Variants in IL1RAPL1 observed in about 807,000 individuals in gnomAD.
IL1RAPL1 encodes the protein interleukin-1 receptor accessory protein-like 1.
In IL1RAPL1, 3 loss-of-function variants were observed where a neutral mutation model predicts 48.4. The observed-to-expected ratio is 0.06, with a 90% CI of 0.03 to 0.16. IL1RAPL1 has a LOEUF of 0.16. IL1RAPL1 is among the 10% of genes least tolerant of loss of function. IL1RAPL1 has a pLI of 1.00. For synonymous variants in IL1RAPL1, 185 were observed against 187.7 expected, an observed-to-expected ratio of 0.99 and a Z score of 0.12; for missense variants, 349 against 530.6, an observed-to-expected ratio of 0.66 and a Z score of 3.36.
chrX:28,878,147 G>A (rs1481300789), intron 2 of IL1RAPL1, among the ~76,000 whole-genome samples: 1 of 111,905 alleles, frequency 8.9e-6, no homozygotes, highest in Non-Finnish European at 1.9e-5. Flanking sequence ...TATTTTCAAA[G>A]TCAGATAAAA....
At chrX:28,999,372 T>C (rs997429500) in intron 2 of IL1RAPL1, among the ~76,000 whole-genome samples, 1 of 111,716 alleles carries the variant, frequency 9.0e-6, no homozygotes, top group Non-Finnish European at 1.9e-5. Context: ...GAATATCGTA[T>C]GGATTTGTCC....
chrX:28,604,192 TA>T (rs958767278), intron 1 of IL1RAPL1, among the ~76,000 whole-genome samples: 11 of 111,883 alleles, frequency 9.8e-5, no homozygotes, highest in Non-Finnish European at 1.9e-4. Context: ...GAAGAAGCTT[TA>T]AAAAAACACT....
At chrX:28,832,378 C>G in intron 2 of IL1RAPL1, among the ~76,000 whole-genome samples, 1 of 111,466 alleles carries the variant, frequency 9.0e-6, no homozygotes, top group Non-Finnish European at 1.9e-5. Context: ...AATTCACTTG[C>G]TTTTTGTTTT....
At chrX:29,674,560 A>G (rs1261523822) in intron 6 of IL1RAPL1, among the ~76,000 whole-genome samples, 1 of 112,376 alleles carries the variant, frequency 8.9e-6, no homozygotes, top group Non-Finnish European at 1.9e-5. Flanking sequence ...AGTCAGTTAA[A>G]GCACTTTTTT....
intron 2 of IL1RAPL1, among the ~76,000 whole-genome samples, chrX:29,026,691 C>T (rs759748204): frequency 4.1e-4 from 46 of 111,774 alleles, no homozygotes; most frequent in Middle Eastern, 9.4e-3. Context: ...ATCACCTATT[C>T]TTATTTTTAG....
At chrX:29,856,181 A>G (rs747211221) in intron 6 of IL1RAPL1, among the ~76,000 whole-genome samples, 11 of 111,591 alleles carry the variant, frequency 9.9e-5, no homozygotes, top group Non-Finnish European at 1.1e-4. Context: ...TTAAGGATAC[A>G]TTCCAAGTGA....
chrX:28,718,758 G>T, intron 1 of IL1RAPL1, among the ~76,000 whole-genome samples: 1 of 111,612 alleles, frequency 9.0e-6, no homozygotes, highest in East Asian at 2.8e-4. Context: ...ATCTTTTCTG[G>T]TTGACTGGCT....
At chrX:29,846,198 C>A (rs772126037) in intron 6 of IL1RAPL1, among the ~76,000 whole-genome samples, 40 of 111,564 alleles carry the variant, frequency 3.6e-4, no homozygotes, top group African/African-American at 1.2e-3. Flanking sequence ...CTGATACTCC[C>A]ACAAGATAAC....
At chrX:29,438,528 T>C (rs1934507119) in intron 5 of IL1RAPL1, among the ~76,000 whole-genome samples, 1 of 110,961 alleles carries the variant, frequency 9.0e-6, no homozygotes. Flanking sequence ...TACTGTAAAA[T>C]TTTCTCTTAG....
chrX:28,713,278 G>C (rs1169769852), intron 1 of IL1RAPL1, among the ~76,000 whole-genome samples: 2 of 110,123 alleles, frequency 1.8e-5, no homozygotes, highest in Non-Finnish European at 3.8e-5. Context: ...GGATGGTCTC[G>C]ATCTCCTGAA....
At chrX:29,776,119 A>ATT (rs1265233880) in intron 6 of IL1RAPL1, among the ~76,000 whole-genome samples, 1 of 111,500 alleles carries the variant, frequency 9.0e-6, no homozygotes, top group African/African-American at 3.3e-5. Context: ...TGATCATGAC[A>ATT]TTTTCAGTGT....
At chrX:28,914,467 C>T (rs776574267) in intron 2 of IL1RAPL1, among the ~76,000 whole-genome samples, 1 of 111,785 alleles carries the variant, frequency 8.9e-6, no homozygotes, top group African/African-American at 3.2e-5. Context: ...ATTATTCCAC[C>T]AACTCTGTAT....
At chrX:29,816,157 A>T (rs1301716661) in intron 6 of IL1RAPL1, among the ~76,000 whole-genome samples, 1 of 111,390 alleles carries the variant, frequency 9.0e-6, no homozygotes, top group East Asian at 2.8e-4. Flanking sequence ...ACGGATAAAC[A>T]AGATAAATAG....
intron 2 of IL1RAPL1, among the ~76,000 whole-genome samples, chrX:28,938,406 A>T (rs1458332686): frequency 9.0e-6 from 1 of 111,259 alleles, no homozygotes; most frequent in Non-Finnish European, 1.9e-5. Flanking sequence ...TGACAAAAAC[A>T]AGCAATGGTG....
At chrX:29,586,107 A>T (rs1345280244) in intron 5 of IL1RAPL1, among the ~76,000 whole-genome samples, 2 of 111,724 alleles carry the variant, frequency 1.8e-5, no homozygotes, top group Admixed American at 1.9e-4. Flanking sequence ...TGTCATATTC[A>T]TGAAGCAATT....
At chrX:29,841,717 G>A (rs939325744) in intron 6 of IL1RAPL1, among the ~76,000 whole-genome samples, 1 of 111,386 alleles carries the variant, frequency 9.0e-6, no homozygotes, top group Non-Finnish European at 1.9e-5. Context: ...CAGAACAATC[G>A]AGTGAGGGAT....
At chrX:28,886,748 A>G (rs1922640434) in intron 2 of IL1RAPL1, among the ~76,000 whole-genome samples, 1 of 111,262 alleles carries the variant, frequency 9.0e-6, no homozygotes, top group African/African-American at 3.3e-5. Context: ...TTAAATTATT[A>G]TGCATTTGAC....
intron 3 of IL1RAPL1, among the ~76,000 whole-genome samples, chrX:29,315,028 T>C (rs1177714503): frequency 9.0e-6 from 1 of 111,642 alleles, no homozygotes; most frequent in African/African-American, 3.3e-5. Context: ...TAAAAACCTG[T>C]CCTAGTGAAA....
At chrX:29,502,269 G>T (rs920342210) in intron 5 of IL1RAPL1, among the ~76,000 whole-genome samples, 1 of 110,801 alleles carries the variant, frequency 9.0e-6, no homozygotes, top group Non-Finnish European at 1.9e-5. Context: ...TTGCAAAAAG[G>T]CTAATTTGAT....
Sources: allele counts gnomAD v4.1 joint callset (sites outside exome capture counted in the v4.1 genomes callset), GRCh38; gene constraint gnomAD v4.1.1; transcripts MANE v1.5; gene names NCBI Gene and HGNC (gene_info 2026-07-23, HGNC 2026-07-21).